Variants in GCH1 observed in about 807,000 individuals in gnomAD.
GCH1 encodes GTP cyclohydrolase 1.
Under a neutral mutation model 25.9 loss-of-function variants are expected in GCH1, and 5 were observed. The observed-to-expected ratio is 0.19, with a 90% confidence interval of 0.10 to 0.41. The LOEUF is 0.41. GCH1 is among the 10% of genes least tolerant of loss of function. GCH1 has a pLI of 1.00. For synonymous variants in GCH1, 159 were observed against 129.6 expected, an observed-to-expected ratio of 1.23 and a Z score of -1.54; for missense variants, 261 against 336.5, an observed-to-expected ratio of 0.78 and a Z score of 1.75.
chr14:54,881,733 A>C (rs1428579912), intron 1 of GCH1, among the ~76,000 whole-genome samples: 1 of 152,200 alleles, frequency 6.6e-6, no homozygotes, highest in Non-Finnish European at 1.5e-5. Context: ...AGCAGGAAAG[A>C]CCTAATGTAT....
At chr14:54,858,134 G>T (rs901127539) in intron 3 of GCH1, among the ~76,000 whole-genome samples, 4 of 149,794 alleles carry the variant, frequency 2.7e-5, no homozygotes, top group African/African-American at 4.9e-5. Context: ...TGCTGGAGTA[G>T]TTTTTTTTTT....
rs191216673 is a variant in GCH1, at chr14:54,860,712, T to C, written c.454-976A>G. Among the ~76,000 whole-genome samples, 31 of 152,206 alleles carry C rather than the reference T, an allele frequency of 2.0e-4. 1 individual carries two copies. Among genetic ancestry groups the C allele is most frequent in the South Asian group, 1.9e-3 (9 of 4,810 alleles). On this transcript the variant is annotated intron_variant, in intron 2 of 5. Transcript: ENST00000491895. ...CCTGCCACCACACCCAGCTAATTTT[T>C]GTATTTTTAGTAGAGATGGTGTTTC...
At chr14:54,888,777 C>G (rs1199825138) in intron 1 of GCH1, among the ~76,000 whole-genome samples, 1 of 151,776 alleles carries the variant, frequency 6.6e-6, no homozygotes, top group Non-Finnish European at 1.5e-5. Flanking sequence ...CCCACCTCAG[C>G]CTCCCAAAGT....
At chr14:54,867,589 C>CAAAAAAAAAAAAAAAA (rs1029899399) in intron 1 of GCH1, among the ~76,000 whole-genome samples, 3 of 46,648 alleles carry the variant, frequency 6.4e-5, no homozygotes, top group Non-Finnish European at 1.2e-4. Flanking sequence ...GACTCCGTCT[C>CAAAAAAAAAAAAAAAA]AAAAAAAAAA....
intron 1 of GCH1, 76 bp downstream of exon 1, chr14:54,902,244 TC>T: frequency 6.7e-7 from 1 of 1,500,440 alleles, no homozygotes; most frequent in Non-Finnish European, 9.1e-7. Context: ...TCCGGAAACT[TC>T]CTGGAGCCGG....
chr14:54,863,185 C>A (rs2039931669), intron 2 of GCH1, among the ~76,000 whole-genome samples: 1 of 151,900 alleles, frequency 6.6e-6, no homozygotes, highest in Middle Eastern at 3.4e-3. Flanking sequence ...TTTGGGAGGC[C>A]AAGGCGGGCG....
At position 54,902,821 on chromosome 14, in the gene GCH1, C is replaced by G. The variant is rs959629539; in HGVS notation, c.-158G>C. Reference sequence around the variant, plus strand: ...TCACACTCCGAGCCGGGAGCGGCCACAGGCTGGAAAGCCCGGCCGCGCCTC... The same window carrying G: ...TCACACTCCGAGCCGGGAGCGGCCAGAGGCTGGAAAGCCCGGCCGCGCCTC... On this transcript the variant is annotated 5_prime_UTR_variant, in exon 1 of 6. Coordinates refer to ENST00000491895, the MANE Select transcript of GCH1 (RefSeq NM_000161.3). 9.8e-7 allele frequency: 1 copy of G among 1,021,496 alleles called. No individual in the cohort carries two copies. Among genetic ancestry groups the G allele is most frequent in the Non-Finnish European group, 1.3e-6 (1 of 787,576 alleles). The allele number at this position is 1,021,496 out of a possible 1,614,324, so 63.3% of individuals were successfully genotyped here. A position where few individuals can be genotyped will look rare whatever the true frequency, so the allele number is the denominator to read the frequency against.
intron 3 of GCH1, among the ~76,000 whole-genome samples, chr14:54,850,103 A>T (rs1233440211): frequency 3.9e-5 from 6 of 151,958 alleles, no homozygotes. Context: ...GTTCCCAAGT[A>T]GCTGCGATTA....
intron 1 of GCH1, among the ~76,000 whole-genome samples, chr14:54,895,653 A>C (rs1285873344): frequency 6.6e-6 from 1 of 152,148 alleles, no homozygotes; most frequent in East Asian, 1.9e-4. Flanking sequence ...AGAAAGGAGA[A>C]CTCACCAAGA....
intron 2 of GCH1, among the ~76,000 whole-genome samples, chr14:54,862,377 C>CTTTTTTTT (rs1491222719): frequency 2.6e-5 from 3 of 115,816 alleles, no homozygotes; most frequent in Non-Finnish European, 3.4e-5. Flanking sequence ...TGAAGCACTA[C>CTTTTTTTT]TCTTTTTTTT....
intron 5 of GCH1, among the ~76,000 whole-genome samples, chr14:54,845,195 T>C (rs1260845334): frequency 1.3e-5 from 2 of 151,382 alleles, no homozygotes; most frequent in African/African-American, 4.9e-5. Flanking sequence ...AAAATGGCGA[T>C]TGAGCTGGGC....
chr14:54,886,644 T>C (rs1433925548), intron 1 of GCH1, among the ~76,000 whole-genome samples: 2 of 152,148 alleles, frequency 1.3e-5, no homozygotes. Context: ...ACACCAGTTA[T>C]TGTCCCGACT....
intron 5 of GCH1, among the ~76,000 whole-genome samples, chr14:54,845,052 A>G (rs1323456900): frequency 6.6e-6 from 1 of 152,064 alleles, no homozygotes; most frequent in Non-Finnish European, 1.5e-5. Context: ...GGGCACCTGT[A>G]ATCCCAGCTA....
At chr14:54,853,114 C>G (rs1357690344) in intron 3 of GCH1, among the ~76,000 whole-genome samples, 1 of 152,108 alleles carries the variant, frequency 6.6e-6, no homozygotes, top group African/African-American at 2.4e-5. Flanking sequence ...CAGGCGTGTG[C>G]CACCATGCCC....
chr14:54,875,755 A>G (rs1209189014), intron 1 of GCH1, among the ~76,000 whole-genome samples: 2 of 152,266 alleles, frequency 1.3e-5, no homozygotes, highest in East Asian at 3.8e-4. Context: ...AATGCTCATC[A>G]TCACTGGCCA....
intron 3 of GCH1, among the ~76,000 whole-genome samples, chr14:54,849,148 C>T (rs912164719): frequency 6.6e-6 from 1 of 152,220 alleles, no homozygotes; most frequent in Admixed American, 6.5e-5. Flanking sequence ...CAGCTGCTCT[C>T]ATGGCAGGAG....
chr14:54,875,840 A>G (rs1033777710), intron 1 of GCH1, among the ~76,000 whole-genome samples: 1 of 152,210 alleles, frequency 6.6e-6, no homozygotes, highest in Non-Finnish European at 1.5e-5. Flanking sequence ...TAAAAAGTCA[A>G]GAAACAACAG....
intron 1 of GCH1, among the ~76,000 whole-genome samples, chr14:54,867,589 CAAAAAAA>C (rs1029899399): frequency 6.4e-5 from 3 of 46,670 alleles, no homozygotes; most frequent in South Asian, 1.3e-3. Context: ...GACTCCGTCT[CAAAAAAA>C]AAAAAAAAAA....
At chr14:54,891,335 A>G (rs902768640) in intron 1 of GCH1, among the ~76,000 whole-genome samples, 2 of 150,376 alleles carry the variant, frequency 1.3e-5, no homozygotes, top group Non-Finnish European at 2.9e-5. Flanking sequence ...CGAACTCCTG[A>G]CCTCAAATGA....
Sources: gnomAD v4.1 joint callset for allele counts (sites outside exome capture counted in the v4.1 genomes callset) on GRCh38, gnomAD v4.1.1 for gene constraint, MANE v1.5 for transcripts, NCBI Gene and HGNC (gene_info 2026-07-23, HGNC 2026-07-21) for gene names.